The following JAM2 variants were observed in gnomAD, a reference collection of about 807,000 sequenced individuals.
JAM2 encodes junctional adhesion molecule 2.
JAM2 carries 17 observed loss-of-function variants against 42.0 expected under a neutral mutation model. The observed-to-expected ratio is 0.40, with a 90% confidence interval of 0.28 to 0.61. The LOEUF is 0.61. JAM2 is among the 20% of genes least tolerant of loss of function. The pLI is 0.37. For synonymous variants in JAM2, 118 were observed against 128.6 expected (o/e 0.92, Z 0.56); for missense variants, 319 against 358.3 (o/e 0.89, Z 0.89).
At chr21:25,671,695 G>A (rs1349936665) in intron 1 of JAM2, among the ~76,000 whole-genome samples, 33 of 152,120 alleles carry the variant, frequency 2.2e-4, no homozygotes, top group Admixed American at 2.0e-3. Flanking sequence ...TTTTAGTAGA[G>A]ATGGGGTTTC....
At position 25,672,689 on chromosome 21, in the gene JAM2, G is replaced by C. The variant is rs559360619; in HGVS notation, c.68-11194G>C. On this transcript the variant is annotated intron_variant, in intron 1 of 9. Transcript: ENST00000480456. ...GATGCACCATCTCTGCTGTAGAGGT[G>C]CGCCTATACACAACGCAGACCATGT... Among the ~76,000 whole-genome samples the C allele has an allele frequency of 1.1e-4, 16 of 152,294 alleles. 1 individual carries two copies. In the South Asian group the frequency reaches 3.1e-3, roughly 30 times the overall value.
rs2032359036 is a variant in JAM2 at position 25,639,479 on chromosome 21, C to T, written c.-343C>T. The T allele has an allele frequency of 4.3e-6, 1 of 230,864 alleles. No individual in the cohort carries two copies. The highest frequency in any genetic ancestry group is 5.7e-5 in the Admixed American group (1 of 17,410). The allele number at this position is 230,864 out of a possible 1,614,324, so 14.3% of individuals were successfully genotyped here. On this transcript the variant is annotated 5_prime_UTR_variant, in exon 1 of 10. Transcript: ENST00000480456. ...CGGAGGCGTGGGGGCGGAGGGACGA[C>T]CCGCCGGGGCTTTCCCGGGCGCTGC...
intron 1 of JAM2, among the ~76,000 whole-genome samples, chr21:25,669,776 C>T (rs1212704838): frequency 6.6e-6 from 1 of 152,216 alleles, no homozygotes; most frequent in Non-Finnish European, 1.5e-5. Flanking sequence ...CTGTTTCCAT[C>T]TATAATGAAG....
chr21:25,695,759 C>A (rs2123392364), intron 4 of JAM2, among the ~76,000 whole-genome samples: 1 of 149,896 alleles, frequency 6.7e-6, no homozygotes, highest in East Asian at 2.0e-4. Flanking sequence ...GACGGGGTGG[C>A]CGGGCAGAGA....
chr21:25,689,837 A>G (rs777092337), intron 2 of JAM2, 29 bp from the exon 3 acceptor site: 1 of 1,411,968 alleles, frequency 7.1e-7, no homozygotes, highest in Non-Finnish European at 1.0e-6. Context: ...GGACAATTAG[A>G]AAACAAGTAT....
chr21:25,708,128 G>A (rs933919996), intron 7 of JAM2, among the ~76,000 whole-genome samples: 1 of 152,100 alleles, frequency 6.6e-6, no homozygotes, highest in African/African-American at 2.4e-5. Flanking sequence ...GATTACAGGT[G>A]TGAGCCACCA....
intron 5 of JAM2, among the ~76,000 whole-genome samples, chr21:25,700,184 A>C (rs1001831707): frequency 1.3e-5 from 2 of 152,172 alleles, no homozygotes; most frequent in Admixed American, 6.5e-5. Context: ...GATTATAGGA[A>C]TAGAAGTGGA....
chr21:25,694,782 A>G (rs897387365), intron 4 of JAM2, among the ~76,000 whole-genome samples: 1 of 151,810 alleles, frequency 6.6e-6, no homozygotes, highest in African/African-American at 2.4e-5. Flanking sequence ...CAAGGCTGCA[A>G]TGAGCTATGA....
intron 1 of JAM2, among the ~76,000 whole-genome samples, chr21:25,644,440 C>G (rs958708122): frequency 2.0e-5 from 3 of 152,172 alleles, no homozygotes; most frequent in Non-Finnish European, 4.4e-5. Flanking sequence ...CCACTCACGG[C>G]CCTGTCCTGC....
chr21:25,706,929 G>A (rs1418693209), intron 7 of JAM2, among the ~76,000 whole-genome samples: 3 of 151,878 alleles, frequency 2.0e-5, no homozygotes, highest in South Asian at 2.1e-4. Context: ...TAGTAGAGAC[G>A]GGGTTTCATC....
intron 4 of JAM2, 85 bp from the exon 5 acceptor site, chr21:25,698,592 A>G (rs2034090670): frequency 1.7e-6 from 2 of 1,146,936 alleles, no homozygotes; most frequent in Non-Finnish European, 2.5e-6. Context: ...CATTGATTGT[A>G]GAGACAAAGT....
chr21:25,650,919 TAATC>T (rs1370189738), intron 1 of JAM2, among the ~76,000 whole-genome samples: 3 of 152,072 alleles, frequency 2.0e-5, no homozygotes, highest in Non-Finnish European at 4.4e-5. Context: ...GGAGAATGCT[TAATC>T]AATATTGTTA....
intron 1 of JAM2, among the ~76,000 whole-genome samples, chr21:25,641,845 G>C (rs2032453504): frequency 6.6e-6 from 1 of 152,104 alleles, no homozygotes; most frequent in South Asian, 2.1e-4. Flanking sequence ...GGTTGTAACA[G>C]TTTCTTAGGC....
intron 1 of JAM2, among the ~76,000 whole-genome samples, chr21:25,653,693 C>T (rs934762808): frequency 3.3e-5 from 5 of 152,118 alleles, no homozygotes; most frequent in African/African-American, 4.8e-5. Context: ...ACCTCTATCT[C>T]GTCTCTCCCT....
chr21:25,709,537 T>G lies in JAM2; in HGVS notation c.821+88T>G, dbSNP rs1601068072. On this transcript the variant is annotated intron_variant, in intron 8 of 9. Transcript: ENST00000480456. The stretch of plus-strand genomic sequence containing the variant: ...CTGTTTAAAGTCAAAAGAGAGAAGT[T>G]GGGTTATTTGTGTAGGTTTACTCTC... The G allele has an allele frequency of 1.3e-5, 11 of 863,232 alleles. No homozygotes were observed. In the East Asian group the frequency reaches 2.7e-4, roughly 21 times the overall value. The allele number at this position is 863,232 out of a possible 1,614,324, so 53.5% of individuals were successfully genotyped here.
chr21:25,651,050 C>T (rs2032761666), intron 1 of JAM2, among the ~76,000 whole-genome samples: 1 of 114,748 alleles, frequency 8.7e-6, no homozygotes, highest in African/African-American at 3.2e-5. Context: ...TAAAACCATA[C>T]CTCCCCCCGC....
chr21:25,651,501 C>G (rs1315136758), intron 1 of JAM2, among the ~76,000 whole-genome samples: 2 of 152,140 alleles, frequency 1.3e-5, no homozygotes, highest in African/African-American at 4.8e-5. Flanking sequence ...TGAGATGATA[C>G]AACTGCTATG....
At chr21:25,642,604 G>A (rs754258991) in intron 1 of JAM2, among the ~76,000 whole-genome samples, 19 of 151,742 alleles carry the variant, frequency 1.3e-4, no homozygotes, top group Non-Finnish European at 2.6e-4. Flanking sequence ...TTTTGTTGTT[G>A]TTCTTGTTAT....
At chr21:25,684,620 T>C (rs1193891092) in intron 2 of JAM2, among the ~76,000 whole-genome samples, 1 of 152,192 alleles carries the variant, frequency 6.6e-6, no homozygotes, top group African/African-American at 2.4e-5. Context: ...TTATTTTGTT[T>C]GAGATAGGAT....
Sources: gnomAD v4.1 joint callset for allele counts (sites outside exome capture counted in the v4.1 genomes callset) on GRCh38, gnomAD v4.1.1 for gene constraint, MANE v1.5 for transcripts, NCBI Gene and HGNC (gene_info 2026-07-23, HGNC 2026-07-21) for gene names.